MYL5: variants seen among roughly 807,000 people sequenced by gnomAD.
MYL5 encodes the protein myosin regulatory light chain 5.
In MYL5, 28 loss-of-function variants were observed where a neutral mutation model predicts 20.8. The observed-to-expected ratio is 1.35, with a 90% CI of 1.00 to 1.84. The LOEUF (loss-of-function observed/expected upper bound fraction) is 1.84. MYL5 is among the 40% of genes most tolerant of loss of function. The pLI, the probability that MYL5 is intolerant of heterozygous loss-of-function variation, is 0.00. For missense variants in MYL5, 274 were observed against 227.3 expected (o/e 1.21, Z -1.32); for synonymous variants, 118 against 87.4 (o/e 1.35, Z -1.95).
At chr4:680,342 C>T (rs1352753469) in intron 4 of MYL5, among the ~76,000 whole-genome samples, 167 bp from the exon 7 acceptor site, 1 of 152,192 alleles carries the variant, frequency 6.6e-6, no homozygotes, top group Non-Finnish European at 1.5e-5. Flanking sequence ...GACAAGGCCT[C>T]CTTGGGGCTC....
At chr4:678,869 T>C in intron 2 of MYL5, 89 bp from the exon 5 acceptor site, 1 of 1,608,702 alleles carries the variant, frequency 6.2e-7, no homozygotes, top group Non-Finnish European at 8.5e-7. Flanking sequence ...AAGCCTATCC[T>C]CAGTCAGGGG....
exon 1 of MYL5, chr4:677,949 C>G (rs763044882): frequency 1.8e-5 from 29 of 1,612,146 alleles, no homozygotes; most frequent in Non-Finnish European, 2.5e-5. Context: ...CTGAACTGTC[C>G]TGGGGGACCA....
intron 4 of MYL5, among the ~76,000 whole-genome samples, 177 bp from the exon 7 acceptor site, chr4:680,332 G>A (rs988959951): frequency 5.9e-5 from 9 of 152,184 alleles, no homozygotes; most frequent in Admixed American, 3.9e-4. Flanking sequence ...AGGAGTGCCC[G>A]ACAAGGCCTC....
At chr4:679,102 C>A in intron 3 of MYL5, 69 bp downstream of exon 5, 3 of 1,294,098 alleles carry the variant, frequency 2.3e-6, no homozygotes, top group Admixed American at 4.1e-5. Context: ...CAGCTCCAGA[C>A]GCCGCGGCCC....
chr4:679,082 A>G, intron 3 of MYL5, 49 bp downstream of exon 5: 1 of 1,466,004 alleles, frequency 6.8e-7, no homozygotes, highest in Non-Finnish European at 9.2e-7. Context: ...AGGCGAACAC[A>G]GAGGTCCTCC....
chr4:676,037 T>C (rs1738808276), upstream of MYL5: 1 of 152,242 alleles, frequency 6.6e-6, no homozygotes, highest in South Asian at 2.1e-4. Context: ...CCCTGAAGAC[T>C]CCTGCCTGAG....
intron 3 of MYL5, among the ~76,000 whole-genome samples, chr4:679,470 A>G (rs1333856620): frequency 6.6e-6 from 1 of 151,996 alleles, no homozygotes; most frequent in Non-Finnish European, 1.5e-5. Context: ...GGTGGGGCAC[A>G]CTGCCCTCCC....
intron 1 of MYL5, chr4:678,246 G>A: frequency 1.4e-6 from 2 of 1,476,104 alleles, no homozygotes; most frequent in South Asian, 1.4e-5. Flanking sequence ...GGAAGTACGT[G>A]CCTCACGTTG....
chr4:678,532 T>C, intron 1 of MYL5, 126 bp from the exon 4 acceptor site: 2 of 1,462,884 alleles, frequency 1.4e-6, no homozygotes, highest in Non-Finnish European at 1.8e-6. Flanking sequence ...CTCAGCTGTC[T>C]GGCCCCCTCC....
exon 1 of MYL5, chr4:678,029 G>T: frequency 6.2e-7 from 1 of 1,613,428 alleles, no homozygotes; most frequent in East Asian, 2.2e-5. Context: ...AAGCAGGCAT[G>T]GTGAGCAGGC....
rs754982294 is a variant in MYL5 at position 681,153 on chromosome 4, G to A, written c.420+13G>A. 7 of 1,601,148 alleles carry A rather than the reference G, an allele frequency of 4.4e-6. No homozygotes were observed. The highest frequency in any genetic ancestry group is 2.2e-5 in the South Asian group (2 of 89,006). On this transcript the variant is annotated intron_variant, in intron 6 of 6. Coordinates refer to ENST00000400159, the Ensembl canonical transcript of MYL5. ...GACGGCGGAAGAGGTCTGGCCCGCG[G>A]CTTCCCTGCCAAGCCCACGAGGGGA...
At chr4:681,638 C>A (rs1345766014) in intron 6 of MYL5, among the ~76,000 whole-genome samples, 1 of 64,722 alleles carries the variant, frequency 1.5e-5, no homozygotes, top group Non-Finnish European at 3.1e-5. Context: ...CCCTCCAGCG[C>A]CGCCCCGCCC....
chr4:680,751 G>A, intron 5 of MYL5, 164 bp downstream of exon 7: 1 of 734,140 alleles, frequency 1.4e-6, no homozygotes, highest in Middle Eastern at 2.9e-4. Context: ...TGAGTGGGAG[G>A]CCAGCCCTGC....
Position 681,152 on chromosome 4 carries a change from G to A in MYL5, c.420+12G>A, listed in dbSNP as rs553930016. On this transcript the variant is annotated intron_variant, in intron 6 of 6. Transcript: ENST00000400159. ...TGACGGCGGAAGAGGTCTGGCCCGC[G>A]GCTTCCCTGCCAAGCCCACGAGGGG... 263 of 1,601,616 alleles carry A rather than the reference G, an allele frequency of 1.6e-4. 1 individual carries two copies. In the South Asian group the frequency reaches 2.5e-3, roughly 15 times the overall value.
rs186928809 is a variant in MYL5, at chr4:678,904, C to A, written c.112-54C>A. The A allele has an allele frequency of 1.5e-5, 24 of 1,608,132 alleles. No individual in the cohort carries two copies. The African/African-American group carries it at 2.5e-4, about 17-fold the overall frequency. ...GTGCTGAGGAACCGGGAGCAGGGGG[C>A]GGGGCAGAGCCCAGCCGGGTTGGCA... On this transcript the variant is annotated intron_variant, in intron 2 of 6. Transcript: ENST00000400159.
upstream of MYL5, among the ~76,000 whole-genome samples, chr4:677,480 C>T (rs1321639231): frequency 6.6e-6 from 1 of 152,220 alleles, no homozygotes; most frequent in Non-Finnish European, 1.5e-5. Context: ...AAGGAGCTCC[C>T]AGCCATGAGG....
rs141232344 is a variant in MYL5, at chr4:679,782, G to C, written c.188-132G>C. 414 of 691,974 alleles carry C rather than the reference G, an allele frequency of 6.0e-4. 1 individual carries two copies. In the African/African-American group the frequency reaches 6.6e-3, roughly 11 times the overall value. 42.9% of individuals were successfully genotyped at this position (691,974 alleles called of 1,614,324 possible). A position where few individuals can be genotyped will look rare whatever the true frequency, so the allele number is the denominator to read the frequency against. Reference sequence around the variant, plus strand: ...GATGCACCCACTGCCCCACGTGCCTGGGCCAAGCGTCTCCTTCCCGCTCCC... The same window carrying C: ...GATGCACCCACTGCCCCACGTGCCTCGGCCAAGCGTCTCCTTCCCGCTCCC... On this transcript the variant is annotated intron_variant, in intron 3 of 6. Coordinates refer to ENST00000400159, the Ensembl canonical transcript of MYL5.
chr4:675,581 G>A (rs577469480), upstream of MYL5: 2 of 152,678 alleles, frequency 1.3e-5, no homozygotes, highest in African/African-American at 2.4e-5. Context: ...TGGGGTCCAG[G>A]GCCTGGGCCT....
At chr4:680,923 G>A (rs1739409774) in intron 5 of MYL5, 169 bp from the exon 8 acceptor site, 2 of 749,896 alleles carry the variant, frequency 2.7e-6, no homozygotes, top group African/African-American at 1.8e-5. Context: ...AGAAGTGATG[G>A]CCCCTGAGTG....
Sources: gnomAD v4.1 joint callset for allele counts (sites outside exome capture counted in the v4.1 genomes callset) on GRCh38, gnomAD v4.1.1 for gene constraint, MANE v1.5 for transcripts, NCBI Gene and HGNC (gene_info 2026-07-23, HGNC 2026-07-21) for gene names.